Variants in PDE10A observed in about 807,000 individuals in gnomAD.
PDE10A encodes the protein cAMP and cAMP-inhibited cGMP 3',5'-cyclic phosphodiesterase 10A.
A neutral mutation model predicts 97.7 loss-of-function variants in PDE10A; 39 were observed. The observed-to-expected ratio is 0.40, with a 90% CI of 0.31 to 0.52. PDE10A has a LOEUF of 0.52. PDE10A is among the 20% of genes least tolerant of loss of function. The pLI is 0.56. For synonymous variants in PDE10A, 371 were observed against 376.8 expected, an observed-to-expected ratio of 0.98 and a Z score of 0.18; for missense variants, 731 against 1,047.8, an observed-to-expected ratio of 0.70 and a Z score of 4.17.
chr6:165,980,188 A>T (rs1437240979), intron 1 of PDE10A, among the ~76,000 whole-genome samples: 1 of 152,256 alleles, frequency 6.6e-6, no homozygotes, highest in Non-Finnish European at 1.5e-5. Context: ...ATACTTACCA[A>T]ATATCCCAAC....
chr6:165,911,766 C>A (rs1040273556), intron 1 of PDE10A, among the ~76,000 whole-genome samples: 4 of 152,338 alleles, frequency 2.6e-5, no homozygotes, highest in African/African-American at 4.8e-5. Context: ...AGGCCTACCC[C>A]CAAGAGGGAC....
intron 1 of PDE10A, among the ~76,000 whole-genome samples, chr6:165,981,704 A>G (rs1233530856): frequency 6.6e-6 from 1 of 152,190 alleles, no homozygotes; most frequent in African/African-American, 2.4e-5. Flanking sequence ...AAATGTCTAA[A>G]CGATAACCAC....
At chr6:165,906,013 T>TTCCTTCCTTCCTTCCC (rs1782260539) in intron 1 of PDE10A, among the ~76,000 whole-genome samples, 5 of 17,642 alleles carry the variant, frequency 2.8e-4, no homozygotes, top group African/African-American at 1.1e-3. Flanking sequence ...CCTTCCTTCC[T>TTCCTTCCTTCCTTCCC]TCCCTCCCTC....
At chr6:165,776,098 A>C (rs1778173378) in intron 1 of PDE10A, among the ~76,000 whole-genome samples, 1 of 152,242 alleles carries the variant, frequency 6.6e-6, no homozygotes, top group African/African-American at 2.4e-5. Flanking sequence ...ATCCCATTTG[A>C]TGAGAAAAAA....
intron 1 of PDE10A, among the ~76,000 whole-genome samples, chr6:165,735,127 G>C (rs1171462761): frequency 6.6e-6 from 1 of 151,964 alleles, no homozygotes; most frequent in Non-Finnish European, 1.5e-5. Context: ...TAGGTAGGTA[G>C]GTTGGTAGAT....
chr6:165,619,609 G>A (rs1308546052), intron 1 of PDE10A, among the ~76,000 whole-genome samples: 3 of 151,976 alleles, frequency 2.0e-5, no homozygotes, highest in African/African-American at 7.3e-5. Context: ...GTAGTGCACT[G>A]TAGTCTAGTG....
At chr6:165,488,029 C>CAAAAAA (rs58319021) in intron 2 of PDE10A, among the ~76,000 whole-genome samples, 2 of 83,406 alleles carry the variant, frequency 2.4e-5, no homozygotes, top group Non-Finnish European at 5.0e-5. Flanking sequence ...AACAAATTGG[C>CAAAAAA]AAAAAAAAAA....
rs765231391 is a variant in PDE10A at position 165,413,657 on chromosome 6, C to T, written c.1920G>A (p.Thr640=). Residue 640 remains threonine, a synonymous_variant, in exon 13 of 22, where the codon ACG becomes ACA. Transcript: ENST00000539869. ...REVDLYTGYT[T]RNILCMPIVS... Reference sequence around the variant, plus strand: ...CGATGGGCATGCACAGGATGTTCCGCGTGGTGTAGCCTGTGTACAAGTCTA... The same window carrying T: ...CGATGGGCATGCACAGGATGTTCCGTGTGGTGTAGCCTGTGTACAAGTCTA... 23 of 1,613,938 alleles carry T rather than the reference C, an allele frequency of 1.4e-5. No individual in the cohort carries two copies. The highest frequency in any genetic ancestry group is 7.7e-5 in the South Asian group (7 of 91,070).
chr6:165,495,535 A>G (rs1447274588), intron 2 of PDE10A, among the ~76,000 whole-genome samples: 1 of 135,494 alleles, frequency 7.4e-6, no homozygotes, highest in Non-Finnish European at 1.6e-5. Flanking sequence ...GGTAAAACTA[A>G]AAACACTCGA....
chr6:165,790,416 A>T (rs995953719), intron 1 of PDE10A, among the ~76,000 whole-genome samples: 1 of 152,192 alleles, frequency 6.6e-6, no homozygotes, highest in Non-Finnish European at 1.5e-5. Context: ...TGGGGGAGGA[A>T]GTCTCTTTTT....
intron 1 of PDE10A, among the ~76,000 whole-genome samples, chr6:165,548,991 C>T (rs1783876289): frequency 6.8e-6 from 1 of 146,300 alleles, no homozygotes; most frequent in Admixed American, 6.7e-5. Context: ...AACTGGTGCT[C>T]AAATTGTCCC....
chr6:165,959,659 G>C (rs1317655831), intron 1 of PDE10A, among the ~76,000 whole-genome samples: 1 of 152,162 alleles, frequency 6.6e-6, no homozygotes, highest in African/African-American at 2.4e-5. Flanking sequence ...AGTAGTTAAA[G>C]CTGCGGGTGA....
chr6:165,516,718 C>T (rs1347520173), intron 2 of PDE10A, among the ~76,000 whole-genome samples: 1 of 152,078 alleles, frequency 6.6e-6, no homozygotes, highest in Non-Finnish European at 1.5e-5. Flanking sequence ...CATTATTTAT[C>T]CAAACAAAAT....
chr6:165,510,909 G>T (rs897251873), intron 2 of PDE10A, among the ~76,000 whole-genome samples: 2 of 150,774 alleles, frequency 1.3e-5, no homozygotes, highest in African/African-American at 4.9e-5. Flanking sequence ...GTTTCTTTAG[G>T]TCTTCTCTCT....
intron 1 of PDE10A, among the ~76,000 whole-genome samples, chr6:165,958,764 A>AGAAG (rs1562327919): frequency 6.6e-6 from 1 of 150,462 alleles, no homozygotes. Flanking sequence ...AAAGAAAGAA[A>AGAAG]GAAGAAAGCA....
At chr6:165,967,799 A>G (rs946183447) in intron 1 of PDE10A, among the ~76,000 whole-genome samples, 1 of 152,186 alleles carries the variant, frequency 6.6e-6, no homozygotes, top group Admixed American at 6.5e-5. Flanking sequence ...ACTTTCATGA[A>G]TTTATACACA....
chr6:165,855,829 G>A (rs575493197), intron 1 of PDE10A, among the ~76,000 whole-genome samples: 189 of 152,186 alleles, frequency 1.2e-3, no homozygotes, highest in African/African-American at 4.4e-3. Flanking sequence ...CAGGTCCAAT[G>A]GGCACAGCCA....
At position 165,967,570 on chromosome 6, in the gene PDE10A, G is replaced by A. The variant is rs902291547; in HGVS notation, c.-615+19959C>T. Among the ~76,000 whole-genome samples the A allele has an allele frequency of 4.6e-5, 7 of 152,172 alleles. No homozygotes were observed. The East Asian group carries it at 5.8e-4, about 13-fold the overall frequency. ...ATCTATGGTTTTTTCTTAAACAATC[G>A]AAAATCATTTCAAAAACAAATACTG... On this transcript the variant is annotated intron_variant, in intron 1 of 19. Coordinates refer to the PDE10A transcript ENST00000366882.
rs151141068 is a variant in PDE10A at position 165,460,141 on chromosome 6, A to G, written c.1024-9779T>C. Among the ~76,000 whole-genome samples the G allele has an allele frequency of 9.3e-4, 142 of 152,342 alleles. 3 individuals are homozygous for G. In the East Asian group the frequency reaches 0.023, roughly 25 times the overall value. ...CAGCCGGTAGTGCCGCAGTAGATTT[A>G]TGCTGCAGAAAAGCTGCGAGCCTTC... On this transcript the variant is annotated intron_variant, in intron 3 of 21. Coordinates refer to ENST00000539869, the MANE Select transcript of PDE10A (RefSeq NM_001385079.1).
Sources: gnomAD v4.1 joint callset for allele counts (sites outside exome capture counted in the v4.1 genomes callset) on GRCh38, gnomAD v4.1.1 for gene constraint, MANE v1.5 for transcripts, NCBI Gene and HGNC (gene_info 2026-07-23, HGNC 2026-07-21) for gene names.